GPR39: variants seen among roughly 807,000 people sequenced by gnomAD.
GPR39 encodes G protein-coupled receptor 39.
In GPR39, 23 loss-of-function variants were observed where a neutral mutation model predicts 18.4. The ratio of observed to expected loss-of-function variants is 1.25; its 90% confidence interval spans 0.90 to 1.77. The LOEUF is 1.77. Among genes scored for constraint, GPR39 ranks in the 40% most tolerant of loss-of-function variants. GPR39 has a pLI of 0.00. For synonymous variants in GPR39, 280 were observed against 257.9 expected (o/e 1.09, Z -0.82); for missense variants, 647 against 602.4 (o/e 1.07, Z -0.78).
In GPR39 at chr2:132,418,023, G is replaced by A. The variant is rs145332269; in HGVS notation, c.856+125G>A. On this transcript the variant is annotated intron_variant, in intron 1 of 1. Coordinates refer to ENST00000329321, the MANE Select transcript of GPR39 (RefSeq NM_001508.3). ...GAATTGCACACTTAAGTTTACTAAG[G>A]TGGAAGAGTCTTGTAGCAGTATGAG... The A allele has an allele frequency of 1.2e-4, 147 of 1,222,120 alleles. 1 individual carries two copies. In the African/African-American group the frequency reaches 1.9e-3, roughly 16 times the overall value. 75.7% of individuals were successfully genotyped at this position (1,222,120 alleles called of 1,614,324 possible).
At chr2:132,486,241 A>G (rs1210816764) in intron 1 of GPR39, among the ~76,000 whole-genome samples, 1 of 152,208 alleles carries the variant, frequency 6.6e-6, no homozygotes, top group Non-Finnish European at 1.5e-5. Flanking sequence ...TGTTCCATTC[A>G]TAGAACACAG....
chr2:132,619,855 ACAGACACACACACACT>A (rs1245585439), intron 1 of GPR39, among the ~76,000 whole-genome samples: 1 of 93,906 alleles, frequency 1.1e-5, no homozygotes, highest in East Asian at 2.4e-4. Context: ...ACACACACAC[ACAGACACACACACACT>A]CTCCACACCC....
At chr2:132,507,136 G>A (rs1019618413) in intron 1 of GPR39, among the ~76,000 whole-genome samples, 1 of 152,018 alleles carries the variant, frequency 6.6e-6, no homozygotes, top group Non-Finnish European at 1.5e-5. Flanking sequence ...ATCACATTGG[G>A]AATTCAATTT....
At chr2:132,456,130 T>C (rs1344724429) in intron 1 of GPR39, among the ~76,000 whole-genome samples, 2 of 152,216 alleles carry the variant, frequency 1.3e-5, no homozygotes, top group African/African-American at 4.8e-5. Context: ...TGTAGGTCTC[T>C]AAGGCCTTGC....
At chr2:132,418,696 A>G (rs1679955918) in intron 1 of GPR39, among the ~76,000 whole-genome samples, 1 of 152,248 alleles carries the variant, frequency 6.6e-6, no homozygotes. Context: ...AAAAGAGCCC[A>G]CAGGTCTGTT....
Position 132,639,738 on chromosome 2 carries a change from A to G in GPR39, c.857-5363A>G, listed in dbSNP as rs1681825327. On this transcript the variant is annotated intron_variant, in intron 1 of 1. Coordinates refer to ENST00000329321, the MANE Select transcript of GPR39 (RefSeq NM_001508.3). ...TTTGGCTCCCTTGGGCTGGGACTTT[A>G]CCTTCCTTTGAGCAGGAAACGTTCT... 2.6e-5 allele frequency among the ~76,000 whole-genome samples: 4 copies of G among 152,042 alleles called. No individual in the cohort carries two copies. In the South Asian group the frequency reaches 8.3e-4, roughly 32 times the overall value.
rs1466947854 is a variant in GPR39, at chr2:132,533,942, C to A, written c.857-111159C>A. Among the ~76,000 whole-genome samples, 5 of 152,200 alleles carry A rather than the reference C, an allele frequency of 3.3e-5. No individual in the cohort carries two copies. The South Asian group carries it at 8.3e-4, about 25-fold the overall frequency. ...AGGACATAGGCATGGGCAAGGACTT[C>A]ATGTCTAAAACACCAAAAGCAATGG... is the stretch of plus-strand genomic sequence containing the variant. On this transcript the variant is annotated intron_variant, in intron 1 of 1. Transcript: ENST00000329321.
chr2:132,433,997 C>T (rs7423918), intron 1 of GPR39, among the ~76,000 whole-genome samples: 1 of 151,572 alleles, frequency 6.6e-6, no homozygotes, highest in East Asian at 2.0e-4. Context: ...TAATTTTAGA[C>T]ATTTGGCTTA....
At chr2:132,580,689 C>T (rs1408915744) in intron 1 of GPR39, among the ~76,000 whole-genome samples, 1 of 152,224 alleles carries the variant, frequency 6.6e-6, no homozygotes, top group Middle Eastern at 3.4e-3. Flanking sequence ...ACAGGCTGGG[C>T]ATGGTGGCTC....
At chr2:132,442,214 T>C (rs767171343) in intron 1 of GPR39, among the ~76,000 whole-genome samples, 15 of 152,120 alleles carry the variant, frequency 9.9e-5, no homozygotes, top group South Asian at 2.1e-4. Flanking sequence ...GTCCAAGAAA[T>C]AGAAAAACAC....
chr2:132,497,308 C>T (rs1037727292), intron 1 of GPR39, among the ~76,000 whole-genome samples: 2 of 152,170 alleles, frequency 1.3e-5, no homozygotes, highest in African/African-American at 2.4e-5. Context: ...GTCCTCCCAT[C>T]CTTTCCTTTA....
In GPR39 at chr2:132,427,510, A is replaced by AT. The variant is rs549246487; in HGVS notation, c.856+9613dup. ...TGGTTTTATATATTATATATGTTAT[A>AT]TATTGTATGAGTATGTAATATAACA... On this transcript the variant is annotated intron_variant, in intron 1 of 1. Transcript: ENST00000329321. 9.0e-3 allele frequency among the ~76,000 whole-genome samples: 1,354 copies of AT among 150,770 alleles called. 16 individuals carry two copies. The highest frequency in any genetic ancestry group is 0.031 in the African/African-American group (1,289 of 41,294).
At chr2:132,504,736 A>G (rs917766227) in intron 1 of GPR39, among the ~76,000 whole-genome samples, 2 of 152,192 alleles carry the variant, frequency 1.3e-5, no homozygotes, top group Non-Finnish European at 2.9e-5. Flanking sequence ...ATTAATAACC[A>G]TCTGGTGACT....
At chr2:132,501,036 G>A (rs980889656) in intron 1 of GPR39, among the ~76,000 whole-genome samples, 2 of 98,956 alleles carry the variant, frequency 2.0e-5, no homozygotes, top group African/African-American at 3.9e-5. Context: ...CCAAGTTTTT[G>A]TTTCATTTAT....
At chr2:132,593,803 T>TAG (rs1463036154) in intron 1 of GPR39, among the ~76,000 whole-genome samples, 1 of 152,000 alleles carries the variant, frequency 6.6e-6, no homozygotes, top group East Asian at 1.9e-4. Flanking sequence ...GGATTCACAT[T>TAG]AGAGAGATAT....
chr2:132,502,983 T>G (rs910629232), intron 1 of GPR39, among the ~76,000 whole-genome samples: 4 of 152,152 alleles, frequency 2.6e-5, no homozygotes, highest in African/African-American at 4.8e-5. Context: ...CTGTATCATG[T>G]TTTTGATTTA....
chr2:132,521,079 G>T (rs1168445293), intron 1 of GPR39, among the ~76,000 whole-genome samples: 1 of 152,164 alleles, frequency 6.6e-6, no homozygotes, highest in African/African-American at 2.4e-5. Context: ...TAGCACACGG[G>T]CTTCGTCCTC....
chr2:132,520,005 C>T (rs541846326), intron 1 of GPR39, among the ~76,000 whole-genome samples: 1 of 152,298 alleles, frequency 6.6e-6, no homozygotes, highest in South Asian at 2.1e-4. Flanking sequence ...CATTTCTTAA[C>T]AGTAGCCTAC....
intron 1 of GPR39, among the ~76,000 whole-genome samples, chr2:132,460,380 T>C (rs934774875): frequency 2.6e-5 from 4 of 152,170 alleles, no homozygotes; most frequent in African/African-American, 9.7e-5. Context: ...ATGCTAAAGT[T>C]AGGCTTGATG....
Sources: allele counts gnomAD v4.1 joint callset (sites outside exome capture counted in the v4.1 genomes callset), GRCh38; gene constraint gnomAD v4.1.1; transcripts MANE v1.5; gene names NCBI Gene and HGNC (gene_info 2026-07-23, HGNC 2026-07-21).